RFTN1: variants seen among roughly 807,000 people sequenced by gnomAD.
RFTN1 encodes raftlin, lipid raft linker 1, also known as raftlin.
A neutral mutation model predicts 46.5 loss-of-function variants in RFTN1; 26 were observed. That is an observed-to-expected ratio of 0.56 (90% CI 0.41 to 0.78). RFTN1 has a LOEUF of 0.78. RFTN1 is among the 30% of genes least tolerant of loss of function. RFTN1 has a pLI of 0.00. For synonymous variants in RFTN1, 261 were observed against 284.2 expected (o/e 0.92, Z 0.82); for missense variants, 693 against 718.7 (o/e 0.96, Z 0.41).
At position 16,504,343 on chromosome 3, in the gene RFTN1, C is replaced by T. The variant is rs535409629; in HGVS notation, c.-9+9099G>A. 5.9e-5 allele frequency among the ~76,000 whole-genome samples: 9 copies of T among 152,268 alleles called. No homozygotes were observed. The South Asian group carries it at 1.9e-3, about 32-fold the overall frequency. On this transcript the variant is annotated intron_variant, in intron 1 of 9. Transcript: ENST00000334133. This position sits in a 1 kb window ranked among gnomAD's most constrained non-coding sequence, Gnocchi z 4.4. The stretch of plus-strand genomic sequence containing the variant: ...TGAGCAACTTCTCAAAACTTGGAAC[C>T]ACACTGAACACCACCACCCTCATTT...
rs942192407 is a variant in RFTN1 at position 16,448,165 on chromosome 3, C to T, written c.146-14128G>A. 2.0e-5 allele frequency among the ~76,000 whole-genome samples: 3 copies of T among 151,022 alleles called. No individual in the cohort carries two copies. The highest frequency in any genetic ancestry group is 4.9e-5 in the African/African-American group (2 of 41,140). The stretch of plus-strand genomic sequence containing the variant: ...CCCAATAATAATTTTTTATTGATTC[C>T]ATATTGAAATGATAAATTGTCTAAG... On this transcript the variant is annotated intron_variant, in intron 2 of 9. Coordinates refer to ENST00000334133, the MANE Select transcript of RFTN1 (RefSeq NM_015150.2). This position sits in a 1 kb window ranked among gnomAD's most constrained non-coding sequence, Gnocchi z 4.1.
rs2070759629 is a variant in RFTN1, at chr3:16,335,542, A to G, written c.1147-8666T>C. On this transcript the variant is annotated intron_variant, in intron 7 of 9. Coordinates refer to ENST00000334133, the MANE Select transcript of RFTN1 (RefSeq NM_015150.2). This position sits in a 1 kb window ranked among gnomAD's most constrained non-coding sequence, Gnocchi z 4.7. Reference sequence around the variant, plus strand: ...AATCAAACACCACATGTTCTCACTTACAAGTGGGAGAGCTGAACGGTGAAA... The same window carrying G: ...AATCAAACACCACATGTTCTCACTTGCAAGTGGGAGAGCTGAACGGTGAAA... 6.6e-6 allele frequency among the ~76,000 whole-genome samples: 1 copy of G among 152,156 alleles called. No homozygotes were observed. The highest frequency in any genetic ancestry group is 2.1e-4 in the South Asian group (1 of 4,838).
At chr3:16,470,208 C>T (rs1415760726) in intron 2 of RFTN1, among the ~76,000 whole-genome samples, 1 of 151,876 alleles carries the variant, frequency 6.6e-6, no homozygotes, top group African/African-American at 2.4e-5. Context: ...CTGCAGATAA[C>T]AACTATAAAC....
chr3:16,505,600 G>A (rs571405598), intron 1 of RFTN1, among the ~76,000 whole-genome samples: 4 of 152,186 alleles, frequency 2.6e-5, no homozygotes, highest in Non-Finnish European at 4.4e-5. Flanking sequence ...ATCCAAAGGC[G>A]GTCTGGAGTC....
At position 16,337,540 on chromosome 3, in the gene RFTN1, G is replaced by A. The variant is rs1198438494; in HGVS notation, c.1147-10664C>T. Among the ~76,000 whole-genome samples, 6 of 151,880 alleles carry A rather than the reference G, an allele frequency of 4.0e-5. No individual in the cohort carries two copies. The highest frequency in any genetic ancestry group is 7.4e-5 in the Non-Finnish European group (5 of 67,978). ...GGGTGGATCATGAGGTCAGGAGATC[G>A]AGACCACCCTGGCCAACATGGTGAA... is the stretch of plus-strand genomic sequence containing the variant. On this transcript the variant is annotated intron_variant, in intron 7 of 9. Coordinates refer to ENST00000334133, the MANE Select transcript of RFTN1 (RefSeq NM_015150.2). This position sits in a 1 kb window ranked among gnomAD's most constrained non-coding sequence, Gnocchi z 5.0.
rs1389074708 is a variant in RFTN1, at chr3:16,342,603, G to A, written c.1146+15329C>T. 6.6e-6 allele frequency among the ~76,000 whole-genome samples: 1 copy of A among 152,120 alleles called. No individual in the cohort carries two copies. Among genetic ancestry groups the A allele is most frequent in the Non-Finnish European group, 1.5e-5 (1 of 68,022 alleles). On this transcript the variant is annotated intron_variant, in intron 7 of 9. Coordinates refer to ENST00000334133, the MANE Select transcript of RFTN1 (RefSeq NM_015150.2). This position sits in a 1 kb window ranked among gnomAD's most constrained non-coding sequence, Gnocchi z 4.0. ...TTTAACATTTTGGGAAAGTGTCCAT[G>A]GATCACTTTTATAAAAATAAAAAAA... is the stretch of plus-strand genomic sequence containing the variant.
At position 16,399,950 on chromosome 3, in the gene RFTN1, C is replaced by T. The variant is rs146811068; in HGVS notation, c.441+9425G>A. On this transcript the variant is annotated intron_variant, in intron 4 of 9. Transcript: ENST00000334133. ...AAGACGCTCCACCTAAACTAAGTGACGATCTCTTGTCTATGAAGAGTTACT... is the reference window on the plus strand; with the variant it reads ...AAGACGCTCCACCTAAACTAAGTGATGATCTCTTGTCTATGAAGAGTTACT... Among the ~76,000 whole-genome samples, 60 of 152,300 alleles carry T rather than the reference C, an allele frequency of 3.9e-4. No individual in the cohort carries two copies. In the East Asian group the frequency reaches 0.011, roughly 29 times the overall value.
rs2076861109 is a variant in RFTN1 at position 16,509,312 on chromosome 3, T to C, written c.-9+4130A>G. ...TAATATGGCTTTGTGTATTTGGAAA[T>C]CCGTGATTGTAGACAGATTTTGCCT... On this transcript the variant is annotated intron_variant, in intron 1 of 9. Coordinates refer to ENST00000334133, the MANE Select transcript of RFTN1 (RefSeq NM_015150.2). The surrounding 1 kb of genome is among the most constrained non-coding windows in gnomAD (Gnocchi z 4.9). Among the ~76,000 whole-genome samples, 1 of 152,204 alleles carries C rather than the reference T, an allele frequency of 6.6e-6. No homozygotes were observed. Among genetic ancestry groups the C allele is most frequent in the East Asian group, 1.9e-4 (1 of 5,200 alleles).
intron 3 of RFTN1, among the ~76,000 whole-genome samples, chr3:16,423,212 C>T (rs1228905054): frequency 6.6e-6 from 1 of 151,978 alleles, no homozygotes; most frequent in African/African-American, 2.4e-5. Flanking sequence ...CCTAACTAAC[C>T]CACTGGTTCT....
At position 16,507,437 on chromosome 3, in the gene RFTN1, G is replaced by A. The variant is rs926004191; in HGVS notation, c.-9+6005C>T. Among the ~76,000 whole-genome samples, 6 of 152,090 alleles carry A rather than the reference G, an allele frequency of 3.9e-5. No individual in the cohort carries two copies. The highest frequency in any genetic ancestry group is 3.3e-4 in the Admixed American group (5 of 15,278). Reference sequence around the variant, plus strand: ...ATTTGCTAATACATGATATGATCAGGTTCCATTAACCAGAGTCTATGATTA... The same window carrying A: ...ATTTGCTAATACATGATATGATCAGATTCCATTAACCAGAGTCTATGATTA... On this transcript the variant is annotated intron_variant, in intron 1 of 9. Coordinates refer to ENST00000334133, the MANE Select transcript of RFTN1 (RefSeq NM_015150.2). The surrounding 1 kb of genome is among the most constrained non-coding windows in gnomAD (Gnocchi z 7.1).
rs1303592788 is a variant in RFTN1, at chr3:16,459,170, A to G, written c.146-25133T>C. Among the ~76,000 whole-genome samples the G allele has an allele frequency of 6.6e-6, 1 of 152,136 alleles. No homozygotes were observed. The highest frequency in any genetic ancestry group is 1.9e-4 in the East Asian group (1 of 5,196). On this transcript the variant is annotated intron_variant, in intron 2 of 9. Transcript: ENST00000334133. The surrounding 1 kb of genome is among the most constrained non-coding windows in gnomAD (Gnocchi z 4.2). ...AGTCTTGAACCCCTGGGCTCAAGCA[A>G]TCCACTCGCCTTAGCCTCCCAAAGT... is the stretch of plus-strand genomic sequence containing the variant.
chr3:16,364,901 C>CT (rs2073057987), intron 6 of RFTN1, among the ~76,000 whole-genome samples: 1 of 152,142 alleles, frequency 6.6e-6, no homozygotes, highest in African/African-American at 2.4e-5. Flanking sequence ...CACGCAGGGG[C>CT]TTCTAGGGGC....
At chr3:16,467,657 C>G (rs2945054) in intron 2 of RFTN1, among the ~76,000 whole-genome samples, 151,777 of 152,342 alleles carry the variant, frequency 1, 75,606 homozygotes, top group East Asian at 1. Context: ...AGGTGATGAC[C>G]GTGCGCCATG....
intron 5 of RFTN1, among the ~76,000 whole-genome samples, chr3:16,371,740 A>G (rs1361639486): frequency 6.6e-6 from 1 of 152,198 alleles, no homozygotes; most frequent in Non-Finnish European, 1.5e-5. Flanking sequence ...TTAAACACCA[A>G]TTCTAGCCTG....
rs913090850 is a variant in RFTN1 at position 16,353,214 on chromosome 3, T to TAA, written c.1146+4716_1146+4717dup. On this transcript the variant is annotated intron_variant, in intron 7 of 9. Coordinates refer to ENST00000334133, the MANE Select transcript of RFTN1 (RefSeq NM_015150.2). The surrounding 1 kb of genome is among the most constrained non-coding windows in gnomAD (Gnocchi z 5.4). ...AGCCAAAAGGGACCTGCTCAGGCCT[T>TAA]AAAAAGGAAAAATCTTTCCCAGAGG... 3.9e-5 allele frequency among the ~76,000 whole-genome samples: 6 copies of TAA among 152,048 alleles called. No individual in the cohort carries two copies. The highest frequency in any genetic ancestry group is 7.4e-5 in the Non-Finnish European group (5 of 67,962).
chr3:16,434,671 A>C (rs2125498004), intron 2 of RFTN1: 1 of 152,380 alleles, frequency 6.6e-6, no homozygotes, highest in East Asian at 1.9e-4. Context: ...GAAATAAAGA[A>C]AGAAAGGAAG....
chr3:16,445,487 A>T lies in RFTN1; in HGVS notation c.146-11450T>A, dbSNP rs201731557. ...CTCTTTCTCTCTCTCTCTCTCTCAC[A>T]CACACACACACACACACACACACAC... On this transcript the variant is annotated intron_variant, in intron 2 of 9. Transcript: ENST00000334133. 9.9e-3 allele frequency among the ~76,000 whole-genome samples: 1,163 copies of T among 117,572 alleles called. 17 individuals carry two copies. The highest frequency in any genetic ancestry group is 0.034 in the African/African-American group (1,062 of 31,354). The allele number at this position is 117,572 out of a possible 152,430, so 77.1% of individuals were successfully genotyped here. A position where few individuals can be genotyped will look rare whatever the true frequency, so the allele number is the denominator to read the frequency against.
rs2074028674 is a variant in RFTN1 at position 16,382,558 on chromosome 3, C to T, written c.442-4456G>A. Among the ~76,000 whole-genome samples the T allele has an allele frequency of 6.6e-6, 1 of 152,182 alleles. No homozygotes were observed. Among genetic ancestry groups the T allele is most frequent in the African/African-American group, 2.4e-5 (1 of 41,434 alleles). On this transcript the variant is annotated intron_variant, in intron 4 of 9. Coordinates refer to ENST00000334133, the MANE Select transcript of RFTN1 (RefSeq NM_015150.2). The surrounding 1 kb of genome is among the most constrained non-coding windows in gnomAD (Gnocchi z 4.7). ...TCCTCTACTCACATGGGTTTAGCTACAAATCAGATGTTCATTATTCCTAAG... is the reference window on the plus strand; with the variant it reads ...TCCTCTACTCACATGGGTTTAGCTATAAATCAGATGTTCATTATTCCTAAG...
chr3:16,363,788 G>C (rs2072976770), intron 6 of RFTN1, among the ~76,000 whole-genome samples: 1 of 151,704 alleles, frequency 6.6e-6, no homozygotes, highest in Non-Finnish European at 1.5e-5. Flanking sequence ...AGATCCTCTT[G>C]GCTCTCTGAG....
Sources: gnomAD v4.1 joint callset for allele counts (sites outside exome capture counted in the v4.1 genomes callset) on GRCh38, gnomAD v4.1.1 for gene constraint, Gnocchi (gnomAD v3.1) non-coding constraint, MANE v1.5 for transcripts, NCBI Gene and HGNC (gene_info 2026-07-23, HGNC 2026-07-21) for gene names.